The following LPP variants were observed in gnomAD, a reference collection of about 807,000 sequenced individuals.
The protein encoded by LPP is lipoma-preferred partner.
Under a neutral mutation model 60.4 loss-of-function variants are expected in LPP, and 38 were observed. The ratio of observed to expected loss-of-function variants is 0.63; its 90% CI spans 0.49 to 0.83. LPP has a LOEUF of 0.83. LPP is among the 40% of genes least tolerant of loss of function. The probability of loss-of-function intolerance (pLI) is 0.00; values close to 1 mark genes in which losing one functional copy is unlikely to be tolerated. For missense variants in LPP, 902 were observed against 783.6 expected, an observed-to-expected ratio of 1.15 and a Z score of -1.80; for synonymous variants, 328 against 290.8, an observed-to-expected ratio of 1.13 and a Z score of -1.30.
chr3:188,573,017 C>G (rs147011375), intron 6 of LPP, among the ~76,000 whole-genome samples: 2,698 of 152,164 alleles, frequency 0.018, 31 homozygotes, highest in Non-Finnish European at 0.026. Flanking sequence ...TGCCACAGAG[C>G]AGAGAGCTGG....
At position 188,620,834 on chromosome 3, in the gene LPP, A is replaced by G. The variant is rs370460804; in HGVS notation, c.1113+10990A>G. 9.7e-4 allele frequency among the ~76,000 whole-genome samples: 147 copies of G among 152,292 alleles called. 1 individual carries two copies. Among genetic ancestry groups the G allele is most frequent in the African/African-American group, 3.1e-3 (129 of 41,582 alleles). ...TTGATTTTATTCATATTATGTGTCT[A>G]TCTCTCAAATACAAATCCATGTTCT... On this transcript the variant is annotated intron_variant, in intron 7 of 11. Coordinates refer to ENST00000617246, the MANE Select transcript of LPP (RefSeq NM_001375462.1).
At chr3:188,433,109 A>AT (rs150365301) in intron 4 of LPP, among the ~76,000 whole-genome samples, 3,650 of 152,194 alleles carry the variant, frequency 0.024, 134 homozygotes, top group African/African-American at 0.082. Context: ...AACTCAGAAC[A>AT]TTTTTTTAGT....
chr3:188,705,450 AT>A (rs1000569967), intron 7 of LPP, among the ~76,000 whole-genome samples: 5 of 152,088 alleles, frequency 3.3e-5, no homozygotes, highest in Non-Finnish European at 5.9e-5. Flanking sequence ...AACCTTCGTC[AT>A]TTAATTTTAT....
intron 7 of LPP, among the ~76,000 whole-genome samples, chr3:188,707,794 A>G (rs759245833): frequency 4.6e-5 from 7 of 152,146 alleles, no homozygotes; most frequent in Admixed American, 4.6e-4. Flanking sequence ...AATAAGGCCT[A>G]GCCTGCTCTG....
chr3:188,179,198 G>A (rs1285051734), intron 1 of LPP: 2 of 455,922 alleles, frequency 4.4e-6, no homozygotes, highest in Non-Finnish European at 8.8e-6. Flanking sequence ...TGCCCTCCAA[G>A]GCTTTTGAAT....
intron 8 of LPP, among the ~76,000 whole-genome samples, chr3:188,748,209 A>G (rs1726904830): frequency 6.6e-6 from 1 of 152,140 alleles, no homozygotes; most frequent in South Asian, 2.1e-4. Flanking sequence ...ATGTGTGTAT[A>G]CTTATTTTAC....
chr3:188,583,554 C>T (rs573144413), intron 6 of LPP, among the ~76,000 whole-genome samples: 23 of 152,266 alleles, frequency 1.5e-4, no homozygotes, highest in Non-Finnish European at 3.2e-4. Flanking sequence ...TTCCACCCTG[C>T]AAATGATCAT....
At position 188,554,244 on chromosome 3, in the gene LPP, T is replaced by G. The variant is rs898171005; in HGVS notation, c.429+29457T>G. The G allele has an allele frequency of 6.6e-5, 10 of 152,098 alleles. No homozygotes were observed. In the East Asian group the frequency reaches 1.4e-3, roughly 21 times the overall value. The allele number at this position is 152,098 out of a possible 1,614,324, so 9.4% of individuals were successfully genotyped here. A position where few individuals can be genotyped will look rare whatever the true frequency, so the allele number is the denominator to read the frequency against. Reference sequence around the variant, plus strand: ...TGATAATATCTACCACCCACTGTGGTGCATGGAGAGGAAAAACCTTCTATC... The same window carrying G: ...TGATAATATCTACCACCCACTGTGGGGCATGGAGAGGAAAAACCTTCTATC... On this transcript the variant is annotated intron_variant, in intron 6 of 11. Coordinates refer to ENST00000617246, the MANE Select transcript of LPP (RefSeq NM_001375462.1).
intron 6 of LPP, among the ~76,000 whole-genome samples, chr3:188,598,220 G>T (rs908185718): frequency 2.6e-5 from 4 of 152,148 alleles, no homozygotes; most frequent in African/African-American, 9.7e-5. Context: ...TATCAGGAAA[G>T]AATTTGGACT....
At chr3:188,203,563 A>G (rs1490528952) in intron 1 of LPP, among the ~76,000 whole-genome samples, 2 of 102,198 alleles carry the variant, frequency 2.0e-5, no homozygotes, top group Non-Finnish European at 3.6e-5. Context: ...TTAAATATAT[A>G]TAAATATATA....
chr3:188,862,082 A>G (rs1041874017), intron 9 of LPP, among the ~76,000 whole-genome samples: 4 of 152,204 alleles, frequency 2.6e-5, no homozygotes, highest in Admixed American at 2.6e-4. Context: ...CTGGGCAAGG[A>G]TGCTTACTAT....
intron 4 of LPP, among the ~76,000 whole-genome samples, 192 bp from the exon 5 acceptor site, chr3:188,484,400 G>A (rs183958830): frequency 1.3e-5 from 2 of 152,006 alleles, no homozygotes; most frequent in African/African-American, 2.4e-5. Context: ...TATCAAATCC[G>A]ATACTCTTTC....
intron 8 of LPP, among the ~76,000 whole-genome samples, chr3:188,715,577 GT>G (rs1402229199): frequency 6.6e-6 from 1 of 152,066 alleles, no homozygotes; most frequent in East Asian, 1.9e-4. Context: ...TTTAAAGTTT[GT>G]TTTTTCAAAC....
intron 2 of LPP, among the ~76,000 whole-genome samples, chr3:188,294,880 G>A (rs944831703): frequency 1.3e-5 from 2 of 152,230 alleles, no homozygotes; most frequent in Non-Finnish European, 2.9e-5. Flanking sequence ...CCGCTTAGGA[G>A]GTGCCGTTCG....
At chr3:188,332,713 T>G (rs1397827515) in intron 2 of LPP, among the ~76,000 whole-genome samples, 1 of 152,232 alleles carries the variant, frequency 6.6e-6, no homozygotes, top group Non-Finnish European at 1.5e-5. Flanking sequence ...ATGGTAGTTT[T>G]AAGAAAGGCT....
intron 2 of LPP, among the ~76,000 whole-genome samples, chr3:188,242,324 C>T (rs1367584406): frequency 6.6e-6 from 1 of 151,588 alleles, no homozygotes; most frequent in Non-Finnish European, 1.5e-5. Context: ...TTAGTTGTGT[C>T]TCTGCTTGAT....
chr3:188,281,716 C>T (rs1291880016), intron 2 of LPP, among the ~76,000 whole-genome samples: 1 of 151,958 alleles, frequency 6.6e-6, no homozygotes, highest in Non-Finnish European at 1.5e-5. Flanking sequence ...TTCTCCTCCC[C>T]CATCTTTCTT....
intron 6 of LPP, among the ~76,000 whole-genome samples, chr3:188,561,750 A>G (rs1485154513): frequency 6.6e-6 from 1 of 151,982 alleles, no homozygotes; most frequent in African/African-American, 2.4e-5. Context: ...GCAAGGAAAT[A>G]CTCATTACAT....
intron 2 of LPP, among the ~76,000 whole-genome samples, chr3:188,231,651 G>A (rs1483586700): frequency 1.3e-5 from 2 of 151,622 alleles, no homozygotes; most frequent in African/African-American, 2.4e-5. Context: ...CAGAGCCAGC[G>A]GTAGTCAAGG....
Sources: gnomAD v4.1 joint callset for allele counts (sites outside exome capture counted in the v4.1 genomes callset) on GRCh38, gnomAD v4.1.1 for gene constraint, MANE v1.5 for transcripts, NCBI Gene and HGNC (gene_info 2026-07-23, HGNC 2026-07-21) for gene names.